HMCN2: variants seen among roughly 807,000 people sequenced by gnomAD.
HMCN2 encodes hemicentin-2.
A neutral mutation model predicts 377.5 loss-of-function variants in HMCN2; 325 were observed. The ratio of observed to expected loss-of-function variants is 0.86; its 90% CI spans 0.79 to 0.94. The LOEUF (loss-of-function observed/expected upper bound fraction) is 0.94, where lower values mean the gene tolerates loss of function less well. HMCN2 is among the 40% of genes least tolerant of loss of function. The probability of loss-of-function intolerance (pLI) is 0.00; values close to 1 mark genes in which losing one functional copy is unlikely to be tolerated. For synonymous variants in HMCN2, 2,007 were observed against 2,046.8 expected, an observed-to-expected ratio of 0.98 and a Z score of 0.53; for missense variants, 4,543 against 4,725.3, an observed-to-expected ratio of 0.96 and a Z score of 1.13.
intron 62 of HMCN2, among the ~76,000 whole-genome samples, chr9:130,390,384 C>T (rs1376937312): frequency 2.6e-5 from 4 of 152,210 alleles, no homozygotes; most frequent in East Asian, 3.9e-4. Context: ...GAGCTGCCCT[C>T]ATCTTGATTC....
chr9:130,384,659 T>C, intron 58 of HMCN2, 26 bp from the exon 59 acceptor site: 1 of 1,300,906 alleles, frequency 7.7e-7, no homozygotes, highest in Non-Finnish European at 1.0e-6. Flanking sequence ...GGAATGCTGG[T>C]GTGAGGGGCT....
At position 130,335,713 on chromosome 9, in the gene HMCN2, C is replaced by A. The variant is rs975309325; in HGVS notation, c.3360-2181C>A. On this transcript the variant is annotated intron_variant, in intron 22 of 97. Transcript: ENST00000683500. The stretch of plus-strand genomic sequence containing the variant: ...AGGACACTGAAACTCAGGGAGATGG[C>A]GTCCTTGGCTCGAGGTCAGCCTGTA... Among the ~76,000 whole-genome samples, 599 of 152,166 alleles carry A rather than the reference C, an allele frequency of 3.9e-3. 4 individuals are homozygous for A. The highest frequency in any genetic ancestry group is 6.7e-3 in the Non-Finnish European group (458 of 67,994).
Position 130,374,570 on chromosome 9 carries a change from A to G in HMCN2, c.7507A>G (p.Ile2503Val). 1 of 985,742 alleles carries G rather than the reference A, an allele frequency of 1.0e-6. No individual in the cohort carries two copies. The highest frequency in any genetic ancestry group is 1.7e-5 in the African/African-American group (1 of 57,342). 61.1% of individuals were successfully genotyped at this position (985,742 alleles called of 1,614,324 possible). Residue 2503 changes from isoleucine to valine, a missense_variant, in exon 49 of 98, where the codon ATC (isoleucine) becomes GTC (valine). Transcript: ENST00000683500. ...TCTGGCTAGGGGAGATGCTCACCACATCTCCCCAGACGGAGTCCTCCTGCA... is the reference window on the plus strand; with the variant it reads ...TCTGGCTAGGGGAGATGCTCACCACGTCTCCCCAGACGGAGTCCTCCTGCA... ...RPLARGDAHH[I>V]SPDGVLLQVL...
chr9:130,384,053 G>T (rs560036886), intron 57 of HMCN2, among the ~76,000 whole-genome samples: 2 of 152,226 alleles, frequency 1.3e-5, no homozygotes, highest in African/African-American at 4.8e-5. Flanking sequence ...GTGGCTGTGA[G>T]TTCTGTCTCC....
In HMCN2 at chr9:130,369,635, G is replaced by A; in HGVS notation, c.6853G>A (p.Ala2285Thr). Residue 2285 changes from alanine (A) to threonine (T), a missense_variant, in exon 45 of 98, where the codon GCC (alanine) becomes ACC (threonine). Transcript: ENST00000683500. The surrounding 1 kb of genome is among the most constrained non-coding windows in gnomAD (Gnocchi z 4.5). ...TQVSVVQDGVATLECNATGKP... is the reference protein window; with the variant it reads ...TQVSVVQDGVTTLECNATGKP... ...AGTCTCTGTGGTCCAGGATGGAGTGGCCACTCTGGAGTGCAACGCCACAGG... is the reference window on the plus strand; with the variant it reads ...AGTCTCTGTGGTCCAGGATGGAGTGACCACTCTGGAGTGCAACGCCACAGG... The A allele has an allele frequency of 2.0e-6, 2 of 985,888 alleles. No homozygotes were observed. The highest frequency in any genetic ancestry group is 2.4e-6 in the Non-Finnish European group (2 of 829,944). 61.1% of individuals were successfully genotyped at this position (985,888 alleles called of 1,614,324 possible).
chr9:130,410,747 CT>C, intron 85 of HMCN2, 95 bp downstream of exon 85: 1 of 999,442 alleles, frequency 1.0e-6, no homozygotes, highest in African/African-American at 1.6e-5. Flanking sequence ...AGGGCTGGGA[CT>C]TGGAATTCTT....
chr9:130,410,874 T>G (rs1056534998), intron 85 of HMCN2, among the ~76,000 whole-genome samples: 3 of 152,110 alleles, frequency 2.0e-5, no homozygotes, highest in Non-Finnish European at 4.4e-5. Context: ...CTGGGGGAGC[T>G]GGGCATTTAA....
intron 25 of HMCN2, among the ~76,000 whole-genome samples, chr9:130,343,922 C>T (rs1388818792): frequency 2.0e-5 from 3 of 152,312 alleles, no homozygotes; most frequent in African/African-American, 7.2e-5. Context: ...CTGCCTCTTC[C>T]TCGTGGGGTG....
intron 14 of HMCN2, among the ~76,000 whole-genome samples, 160 bp downstream of exon 14, chr9:130,307,726 TC>T (rs1259408327): frequency 6.6e-6 from 1 of 151,404 alleles, no homozygotes; most frequent in East Asian, 2.0e-4. Context: ...GGGTTCCAGC[TC>T]CCCCACCCTC....
At chr9:130,291,467 C>T (rs1447045162) in intron 4 of HMCN2, among the ~76,000 whole-genome samples, 1 of 152,190 alleles carries the variant, frequency 6.6e-6, no homozygotes, top group Non-Finnish European at 1.5e-5. Context: ...GCCTCGGCCT[C>T]CCAAAGTGCT....
chr9:130,413,423 C>CT (rs1193062536), intron 85 of HMCN2, among the ~76,000 whole-genome samples: 4 of 152,156 alleles, frequency 2.6e-5, no homozygotes, highest in Non-Finnish European at 5.9e-5. Flanking sequence ...GGAAGTTCCC[C>CT]TTTTGTACCT....
chr9:130,400,774 G>C lies in HMCN2; in HGVS notation c.11606-9G>C, dbSNP rs1410779514. On this transcript the variant is annotated splice_polypyrimidine_tract_variant and intron_variant, in intron 76 of 97. Transcript: ENST00000683500. Reference sequence around the variant, plus strand: ...CCGGCAGGGCCTCAAGCCTTGTCTTGGGTTTTAGTGCCTCCCACCATTGCC... The same window carrying C: ...CCGGCAGGGCCTCAAGCCTTGTCTTCGGTTTTAGTGCCTCCCACCATTGCC... The C allele has an allele frequency of 7.8e-7, 1 of 1,281,960 alleles. No individual in the cohort carries two copies. Among genetic ancestry groups the C allele is most frequent in the Admixed American group, 2.3e-5 (1 of 42,790 alleles). The allele number at this position is 1,281,960 out of a possible 1,614,324, so 79.4% of individuals were successfully genotyped here. A position where few individuals can be genotyped will look rare whatever the true frequency, so the allele number is the denominator to read the frequency against.
chr9:130,299,017 C>A lies in HMCN2; in HGVS notation c.1013-8C>A. On this transcript the variant is annotated splice_polypyrimidine_tract_variant and splice_region_variant and intron_variant, in intron 7 of 97. Transcript: ENST00000683500. ...GCCAGCACTTTGTTCTTCACCTTCC[C>A]TCTGCAGGAGTCCCCATCTCCCTGG... 1 of 467,180 alleles carries A rather than the reference C, an allele frequency of 2.1e-6. No homozygotes were observed. Among genetic ancestry groups the A allele is most frequent in the Non-Finnish European group, 4.5e-6 (1 of 224,174 alleles). The allele number at this position is 467,180 out of a possible 1,614,324, so 28.9% of individuals were successfully genotyped here.
intron 57 of HMCN2, 142 bp downstream of exon 57, chr9:130,383,742 CAG>C: frequency 7.1e-6 from 2 of 281,926 alleles, no homozygotes; most frequent in Non-Finnish European, 1.1e-5. Context: ...CATCCCGAGA[CAG>C]AGAGCATTTG....
chr9:130,396,092 C>G (rs1480115686), intron 72 of HMCN2, 27 bp downstream of exon 72: 1 of 1,190,090 alleles, frequency 8.4e-7, no homozygotes, highest in Non-Finnish European at 1.1e-6. Flanking sequence ...CCACCCCACC[C>G]TGCCCACCTT....
At chr9:130,390,431 T>C (rs1329818242) in intron 62 of HMCN2, among the ~76,000 whole-genome samples, 1 of 152,162 alleles carries the variant, frequency 6.6e-6, no homozygotes, top group African/African-American at 2.4e-5. Flanking sequence ...GTTGCTCGTG[T>C]CTTTGTGTTG....
At position 130,427,396 on chromosome 9, in the gene HMCN2, C is replaced by T. The variant is rs971895592; in HGVS notation, c.13942+21C>T. 4 of 1,550,444 alleles carry T rather than the reference C, an allele frequency of 2.6e-6. No homozygotes were observed. The African/African-American group carries it at 5.5e-5, about 21-fold the overall frequency. On this transcript the variant is annotated intron_variant, in intron 91 of 97. Coordinates refer to ENST00000683500, the MANE Select transcript of HMCN2 (RefSeq NM_001291815.2). ...TGTGGGTGAGCGCCCCCAACCCTGG[C>T]ATGGATGTGGGAGGCCTCTCAGCCT...
At chr9:130,415,374 G>C (rs1001426893) in intron 85 of HMCN2, among the ~76,000 whole-genome samples, 3 of 152,150 alleles carry the variant, frequency 2.0e-5, no homozygotes, top group Admixed American at 6.5e-5. Context: ...GTCTTGCTCT[G>C]TCACCCAGAC....
In HMCN2 at chr9:130,422,823, T is replaced by G; in HGVS notation, c.13381+97T>G. ...CTGGACCTAGGAGGCGCAGAGCCTG[T>G]GCCCCGAGACTTGCTCAAGGCCTGA... On this transcript the variant is annotated intron_variant, in intron 87 of 97. Transcript: ENST00000683500. This position sits in a 1 kb window ranked among gnomAD's most constrained non-coding sequence, Gnocchi z 4.2. 1 of 1,051,250 alleles carries G rather than the reference T, an allele frequency of 9.5e-7. No individual in the cohort carries two copies. Among genetic ancestry groups the G allele is most frequent in the East Asian group, 3.2e-5 (1 of 30,880 alleles). 65.1% of individuals were successfully genotyped at this position (1,051,250 alleles called of 1,614,324 possible). A position where few individuals can be genotyped will look rare whatever the true frequency, so the allele number is the denominator to read the frequency against.
Sources: gnomAD v4.1 joint callset for allele counts (sites outside exome capture counted in the v4.1 genomes callset) on GRCh38, gnomAD v4.1.1 for gene constraint, Gnocchi (gnomAD v3.1) non-coding constraint, MANE v1.5 for transcripts, NCBI Gene and HGNC (gene_info 2026-07-23, HGNC 2026-07-21) for gene names.